The following KIAA0319L variants were observed in gnomAD, a reference collection of about 807,000 sequenced individuals.
KIAA0319L encodes dyslexia-associated protein KIAA0319-like protein.
A neutral mutation model predicts 120.1 loss-of-function variants in KIAA0319L; 55 were observed. That is an observed-to-expected ratio of 0.46 (90% CI 0.37 to 0.57). The LOEUF is 0.57. Ranked by LOEUF, KIAA0319L falls within the 20% of genes least tolerant of loss-of-function variation. KIAA0319L has a pLI of 0.00. For synonymous variants in KIAA0319L, 398 were observed against 471.9 expected (o/e 0.84, Z 2.03); for missense variants, 1,049 against 1,255.3 (o/e 0.84, Z 2.48).
chr1:35,473,820 T>C (rs1570731920), intron 5 of KIAA0319L, among the ~76,000 whole-genome samples: 2 of 152,316 alleles, frequency 1.3e-5, no homozygotes, highest in East Asian at 3.9e-4. Flanking sequence ...CCATCCTAAA[T>C]AGGGAAGGAC....
intron 2 of KIAA0319L, among the ~76,000 whole-genome samples, chr1:35,534,829 A>C (rs1331383706): frequency 7.1e-6 from 1 of 141,596 alleles, no homozygotes; most frequent in Admixed American, 7.4e-5. Context: ...ACTACACTCC[A>C]GCCTGGGTGA....
intron 3 of KIAA0319L, among the ~76,000 whole-genome samples, chr1:35,484,767 CATATATATATATATATATATAT>C (rs56318513): frequency 1.9e-5 from 1 of 51,536 alleles, no homozygotes; most frequent in Non-Finnish European, 3.5e-5. Context: ...AGTTTTTAAT[CATATATATATATATATATATAT>C]ATATATATAT....
intron 7 of KIAA0319L, among the ~76,000 whole-genome samples, chr1:35,463,761 C>T (rs1643062859): frequency 6.6e-6 from 1 of 152,212 alleles, no homozygotes; most frequent in Admixed American, 6.5e-5. Context: ...TGTGTCTCCA[C>T]TCAAATCTCA....
chr1:35,554,369 G>A lies in KIAA0319L; in HGVS notation c.123C>T (p.Ser41=), dbSNP rs550851202. The A allele has an allele frequency of 1.1e-5, 17 of 1,603,138 alleles. 1 individual carries two copies. Among genetic ancestry groups the A allele is most frequent in the Middle Eastern group, 1.7e-4 (1 of 6,024 alleles). ...TAGTACCTGTTGACAACCACAGAACGCTGAAGCAAAAGCAAGTATAAAACA... is the reference window on the plus strand; with the variant it reads ...TAGTACCTGTTGACAACCACAGAACACTGAAGCAAAAGCAAGTATAAAACA... The part of the protein sequence containing the change: ...LYLFYTCFCF[S]VLWLSTDASE... The change falls in exon 2 of 21, where the codon AGC becomes AGT. Residue 41 remains serine, a synonymous_variant. Transcript: ENST00000325722.
intron 2 of KIAA0319L, among the ~76,000 whole-genome samples, chr1:35,518,802 G>C (rs955210974): frequency 1.3e-5 from 2 of 152,024 alleles, no homozygotes; most frequent in African/African-American, 4.8e-5. Context: ...TTAGGAGTTT[G>C]AGACCAGCCT....
chr1:35,444,914 A>T, intron 16 of KIAA0319L, among the ~76,000 whole-genome samples: 2 of 152,204 alleles, frequency 1.3e-5, no homozygotes, highest in Non-Finnish European at 2.9e-5. Flanking sequence ...CTGATTGTCA[A>T]TTCCTGTCCA....
chr1:35,462,384 C>G (rs947920076), intron 8 of KIAA0319L, among the ~76,000 whole-genome samples: 24 of 152,152 alleles, frequency 1.6e-4, no homozygotes, highest in Admixed American at 2.6e-4. Context: ...CAGTTTCTTA[C>G]CATCTCAAAG....
intron 2 of KIAA0319L, among the ~76,000 whole-genome samples, chr1:35,544,096 G>A (rs1386679988): frequency 6.6e-6 from 1 of 152,154 alleles, no homozygotes; most frequent in African/African-American, 2.4e-5. Flanking sequence ...GGCCGGGCAT[G>A]GTGGCTCGTG....
At chr1:35,555,400 C>T (rs1647826352) in intron 1 of KIAA0319L, among the ~76,000 whole-genome samples, 1 of 152,170 alleles carries the variant, frequency 6.6e-6, no homozygotes, top group South Asian at 2.1e-4. Context: ...TCAGCATTGC[C>T]TGGGCTGGAT....
chr1:35,503,339 T>C (rs1645077612), intron 3 of KIAA0319L, among the ~76,000 whole-genome samples: 1 of 152,230 alleles, frequency 6.6e-6, no homozygotes, highest in African/African-American at 2.4e-5. Flanking sequence ...GTGCTCAGTA[T>C]TCTAACCTTC....
chr1:35,474,197 G>A (rs907345096), intron 5 of KIAA0319L, among the ~76,000 whole-genome samples: 2 of 152,246 alleles, frequency 1.3e-5, no homozygotes, highest in African/African-American at 4.8e-5. Context: ...GAATATGAGA[G>A]GTACTATATA....
intron 2 of KIAA0319L, among the ~76,000 whole-genome samples, chr1:35,535,319 C>T (rs949905252): frequency 2.0e-5 from 3 of 152,122 alleles, no homozygotes; most frequent in Admixed American, 1.3e-4. Flanking sequence ...AATGTTCATA[C>T]ATGTCCCTCA....
chr1:35,544,913 C>T (rs550282322), intron 2 of KIAA0319L, among the ~76,000 whole-genome samples: 1 of 152,310 alleles, frequency 6.6e-6, no homozygotes, highest in African/African-American at 2.4e-5. Flanking sequence ...AGCCCCATAA[C>T]TGCCCAGCTG....
At chr1:35,495,402 A>G (rs1352673585) in intron 3 of KIAA0319L, among the ~76,000 whole-genome samples, 1 of 152,140 alleles carries the variant, frequency 6.6e-6, no homozygotes, top group Non-Finnish European at 1.5e-5. Flanking sequence ...AATCTTTCAG[A>G]AGAAAACTTA....
intron 2 of KIAA0319L, among the ~76,000 whole-genome samples, chr1:35,521,576 A>G (rs1304670770): frequency 4.1e-4 from 55 of 135,684 alleles, no homozygotes; most frequent in Middle Eastern, 5.1e-3. Flanking sequence ...GGAGCTTGCA[A>G]TGAGCCAAGA....
Position 35,435,091 on chromosome 1 carries a change from A to G in KIAA0319L, c.2963-10T>C. 1 of 1,612,740 alleles carries G rather than the reference A, an allele frequency of 6.2e-7. No homozygotes were observed. The highest frequency in any genetic ancestry group is 8.5e-7 in the Non-Finnish European group (1 of 1,179,162). ...CCTTTCTGTTTGATGCCTGCAGGGA[A>G]AACAAGGAATCCAGCATCAGGAGAC... On this transcript the variant is annotated splice_polypyrimidine_tract_variant and intron_variant, in intron 20 of 20. Transcript: ENST00000325722.
chr1:35,497,553 T>G (rs1644856492), intron 3 of KIAA0319L, among the ~76,000 whole-genome samples: 1 of 152,288 alleles, frequency 6.6e-6, no homozygotes, highest in African/African-American at 2.4e-5. Flanking sequence ...TTTATAGACA[T>G]AGAGATAGAT....
intron 9 of KIAA0319L, among the ~76,000 whole-genome samples, chr1:35,457,023 T>C (rs1013807328): frequency 1.5e-4 from 23 of 152,160 alleles, no homozygotes; most frequent in African/African-American, 5.5e-4. Flanking sequence ...ATCCAGGCAA[T>C]ATGTCTCCAG....
chr1:35,471,215 G>A (rs1346819734), intron 5 of KIAA0319L, among the ~76,000 whole-genome samples: 1 of 152,080 alleles, frequency 6.6e-6, no homozygotes, highest in East Asian at 1.9e-4. Context: ...CCCTCTCAGG[G>A]CCAATCCTCC....
Sources: allele counts gnomAD v4.1 joint callset (sites outside exome capture counted in the v4.1 genomes callset), GRCh38; gene constraint gnomAD v4.1.1; transcripts MANE v1.5; gene names NCBI Gene and HGNC (gene_info 2026-07-23, HGNC 2026-07-21).